Variants in MYO18A observed in about 807,000 individuals in gnomAD.
MYO18A encodes the protein myosin XVIIIA.
MYO18A carries 78 observed loss-of-function variants against 235.8 expected under a neutral mutation model. That is an observed-to-expected ratio of 0.33 (90% CI 0.28 to 0.40). The LOEUF (loss-of-function observed/expected upper bound fraction) is 0.40, where lower values mean the gene tolerates loss of function less well. MYO18A is among the 10% of genes least tolerant of loss of function. The pLI is 1.00. For missense variants in MYO18A, 2,215 were observed against 2,699.3 expected (o/e 0.82, Z 3.98); for synonymous variants, 977 against 1,077.8 (o/e 0.91, Z 1.83).
chr17:29,118,413 T>A lies in MYO18A; in HGVS notation c.1857A>T (p.Ala619=). 6.2e-7 allele frequency: 1 copy of A among 1,606,792 alleles called. No homozygotes were observed. The highest frequency in any genetic ancestry group is 8.5e-7 in the Non-Finnish European group (1 of 1,174,584). The change falls in exon 9 of 42, where the codon GCA becomes GCT. Residue 619 remains alanine, a synonymous_variant. Coordinates refer to ENST00000527372, the MANE Select transcript of MYO18A (RefSeq NM_078471.4). The surrounding 1 kb of genome is among the most constrained non-coding windows in gnomAD (Gnocchi z 4.2). ...LRTELHLNHL[A]ENNVFGIVPL... The stretch of plus-strand genomic sequence containing the variant: ...GCACAATCCCAAACACATTGTTCTC[T>A]GCCAAGTGGTTGAGGTGGAGCTCTG...
At chr17:29,114,769 AG>A in intron 14 of MYO18A, 137 bp downstream of exon 14, 1 of 919,658 alleles carries the variant, frequency 1.1e-6, no homozygotes, top group African/African-American at 1.7e-5. Flanking sequence ...CAAGGGGGCA[AG>A]GAACGACTCC....
chr17:29,136,250 A>AAAAAAT (rs1483354837), intron 2 of MYO18A, among the ~76,000 whole-genome samples: 28 of 82,452 alleles, frequency 3.4e-4, no homozygotes, highest in Non-Finnish European at 6.0e-4. Flanking sequence ...AAAAAAAAAA[A>AAAAAAT]ATATATATAT....
intron 2 of MYO18A, among the ~76,000 whole-genome samples, chr17:29,157,941 G>A (rs1000419943): frequency 9.2e-5 from 14 of 152,140 alleles, no homozygotes; most frequent in South Asian, 2.1e-4. Flanking sequence ...CTACAGGTGT[G>A]CATTACCACC....
chr17:29,127,183 C>A (rs113925117), intron 2 of MYO18A, among the ~76,000 whole-genome samples: 21 of 152,318 alleles, frequency 1.4e-4, no homozygotes, highest in Admixed American at 3.3e-4. Context: ...CCCCCCCAAA[C>A]AAAATATTTT....
intron 2 of MYO18A, among the ~76,000 whole-genome samples, chr17:29,154,121 T>TGTGTGTGTGTGTGTGTGTGCGCGCGCGC (rs142430455): frequency 9.4e-5 from 14 of 149,108 alleles, no homozygotes; most frequent in African/African-American, 3.5e-4. Context: ...TGTGTGTGTG[T>TGTGTGTGTGTGTGTGTGTGCGCGCGCGC]GCGCGCGCGT....
chr17:29,073,864 C>T lies in MYO18A; in HGVS notation c.*906G>A, dbSNP rs752648015. The stretch of plus-strand genomic sequence containing the variant: ...TGATCACAAGTCCTCAACCCCAAGC[C>T]TTCCCTCTCAAGTTGAGTTTATGGT... On this transcript the variant is annotated 3_prime_UTR_variant, in exon 42 of 42. Coordinates refer to ENST00000527372, the MANE Select transcript of MYO18A (RefSeq NM_078471.4). The T allele has an allele frequency of 8.2e-6, 13 of 1,592,016 alleles. No homozygotes were observed. The South Asian group carries it at 1.3e-4, about 16-fold the overall frequency.
chr17:29,138,302 C>T (rs923415074), intron 2 of MYO18A, among the ~76,000 whole-genome samples: 3 of 152,156 alleles, frequency 2.0e-5, no homozygotes, highest in South Asian at 2.1e-4. Context: ...GAAGCTGAGA[C>T]GTAGCTGGTG....
At chr17:29,080,588 A>T in intron 41 of MYO18A, 1 of 985,796 alleles carries the variant, frequency 1.0e-6, no homozygotes, top group Non-Finnish European at 1.2e-6. Context: ...GAACCGGGCG[A>T]GCCCGACAGC....
chr17:29,128,031 A>G, intron 2 of MYO18A: 1 of 1,010,998 alleles, frequency 9.9e-7, no homozygotes, highest in Non-Finnish European at 1.2e-6. Context: ...CAGTCTGGGG[A>G]GCCTGGCTCC....
intron 1 of MYO18A, among the ~76,000 whole-genome samples, chr17:29,173,282 G>C (rs2068447580): frequency 6.6e-6 from 1 of 151,726 alleles, no homozygotes; most frequent in African/African-American, 2.4e-5. Context: ...AGTAGAGACG[G>C]GGTTTCTCCA....
chr17:29,115,111 C>T lies in MYO18A; in HGVS notation c.2319-12G>A. The T allele has an allele frequency of 6.2e-7, 1 of 1,604,154 alleles. No individual in the cohort carries two copies. The highest frequency in any genetic ancestry group is 2.2e-5 in the East Asian group (1 of 44,526). ...TGGACTTGAGAGCCCTGGATAGGGA[C>T]AGCCTGGGTCAGAGCCTCGCTGGTT... is the stretch of plus-strand genomic sequence containing the variant. On this transcript the variant is annotated splice_polypyrimidine_tract_variant and intron_variant, in intron 13 of 41. Coordinates refer to ENST00000527372, the MANE Select transcript of MYO18A (RefSeq NM_078471.4).
At position 29,166,091 on chromosome 17, in the gene MYO18A, C is replaced by T. The variant is rs1019659189; in HGVS notation, c.850G>A (p.Val284Met). ...ATCTCATCCCTGGACTTGCTCTCCA[C>T]ATTGTGCCCATTAATCTCCACCAGT... ...DRLVEINGHNVESKSRDEIVE... is the reference protein window; with the variant it reads ...DRLVEINGHNMESKSRDEIVE... The change falls in exon 2 of 42, where the codon GTG becomes ATG. Residue 284 changes from valine (V) to methionine (M), a missense_variant. By Grantham distance (21) the Val-to-Met change is conservative. Coordinates refer to ENST00000527372, the MANE Select transcript of MYO18A (RefSeq NM_078471.4). 4.2e-5 allele frequency: 68 copies of T among 1,613,480 alleles called. No individual in the cohort carries two copies. The highest frequency in any genetic ancestry group is 5.6e-5 in the Non-Finnish European group (66 of 1,179,912).
At chr17:29,085,478 T>C in intron 40 of MYO18A, 126 bp downstream of exon 40, 1 of 800,618 alleles carries the variant, frequency 1.2e-6, no homozygotes. Context: ...TAGAGACCAG[T>C]GAGGCGGGAG....
chr17:29,103,696 C>T (rs772996048), intron 20 of MYO18A, 32 bp from the exon 21 acceptor site: 1 of 1,609,538 alleles, frequency 6.2e-7, no homozygotes, highest in South Asian at 1.1e-5. Flanking sequence ...AGGCAGCCCG[C>T]CTGGGCCTCC....
At chr17:29,143,663 C>T (rs950387215) in intron 2 of MYO18A, among the ~76,000 whole-genome samples, 10 of 152,178 alleles carry the variant, frequency 6.6e-5, no homozygotes, top group Admixed American at 1.3e-4. Flanking sequence ...AGATTTAAGT[C>T]ATTTTCTAAA....
intron 40 of MYO18A, among the ~76,000 whole-genome samples, chr17:29,082,937 G>T (rs1310891945): frequency 2.0e-5 from 3 of 152,110 alleles, no homozygotes; most frequent in African/African-American, 7.2e-5. Context: ...GGGCTTCGTA[G>T]GATTTGGAGT....
intron 1 of MYO18A, among the ~76,000 whole-genome samples, chr17:29,173,456 C>G (rs1200101110): frequency 6.9e-6 from 1 of 145,280 alleles, no homozygotes; most frequent in Non-Finnish European, 1.5e-5. Flanking sequence ...GGCACGATCT[C>G]TGCTCACTGC....
rs1361991481 is a variant in MYO18A, at chr17:29,166,099, C to T, written c.842G>A (p.Gly281Glu). ...CCTGGACTTGCTCTCCACATTGTGC[C>T]CATTAATCTCCACCAGTCGATCTCC... ...VPGDRLVEIN[G>E]HNVESKSRDE... The change falls in exon 2 of 42, where the codon GGG becomes GAG. Residue 281 changes from glycine (G) to glutamate (E), a missense_variant. Transcript: ENST00000527372. 1.9e-6 allele frequency: 3 copies of T among 1,613,412 alleles called. No homozygotes were observed. In the African/African-American group the frequency reaches 4.0e-5, roughly 22 times the overall value.
chr17:29,128,939 G>T, intron 2 of MYO18A: 1 of 895,394 alleles, frequency 1.1e-6, no homozygotes, highest in Non-Finnish European at 1.6e-6. Flanking sequence ...TCGCAGCCCA[G>T]ACACAGCAGA....
Sources: allele counts gnomAD v4.1 joint callset (sites outside exome capture counted in the v4.1 genomes callset), GRCh38; gene constraint gnomAD v4.1.1; non-coding constraint Gnocchi (gnomAD v3.1); transcripts MANE v1.5; gene names NCBI Gene and HGNC (gene_info 2026-07-23, HGNC 2026-07-21).